Variants in LGR6 observed in about 807,000 individuals in gnomAD.
LGR6 encodes leucine-rich repeat-containing G protein-coupled receptor 6.
LGR6 carries 45 observed loss-of-function variants against 69.4 expected under a neutral mutation model. The observed-to-expected ratio is 0.65, with a 90% CI of 0.51 to 0.83. The LOEUF (loss-of-function observed/expected upper bound fraction) is 0.83, where lower values mean the gene tolerates loss of function less well. Ranked by LOEUF, LGR6 falls within the 40% of genes least tolerant of loss-of-function variation. The pLI is 0.00. For synonymous variants in LGR6, 538 were observed against 555.0 expected, an observed-to-expected ratio of 0.97 and a Z score of 0.43; for missense variants, 1,108 against 1,246.7, an observed-to-expected ratio of 0.89 and a Z score of 1.68.
intron 6 of LGR6, among the ~76,000 whole-genome samples, chr1:202,283,828 C>T (rs1043398261): frequency 6.6e-6 from 1 of 152,240 alleles, no homozygotes; most frequent in Non-Finnish European, 1.5e-5. Flanking sequence ...CACAAATGCA[C>T]CTGCAGCAAC....
chr1:202,288,589 A>G (rs1666569529), intron 6 of LGR6, among the ~76,000 whole-genome samples: 1 of 152,092 alleles, frequency 6.6e-6, no homozygotes, highest in Non-Finnish European at 1.5e-5. Flanking sequence ...CTGCAGTCAC[A>G]TCTATACTCC....
intron 1 of LGR6, among the ~76,000 whole-genome samples, chr1:202,221,664 G>A (rs1433480850): frequency 6.6e-6 from 1 of 152,038 alleles, no homozygotes; most frequent in Non-Finnish European, 1.5e-5. Flanking sequence ...ATAAACACAT[G>A]TGCCCTCACA....
chr1:202,225,688 G>C (rs1050777140), intron 2 of LGR6, among the ~76,000 whole-genome samples, 194 bp downstream of exon 2: 4 of 150,482 alleles, frequency 2.7e-5, no homozygotes, highest in African/African-American at 9.7e-5. Flanking sequence ...CATGGCATGG[G>C]AAGTCTAGGA....
At chr1:202,308,483 A>T (rs1653445700) in intron 14 of LGR6, among the ~76,000 whole-genome samples, 2 of 152,062 alleles carry the variant, frequency 1.3e-5, no homozygotes, top group Admixed American at 1.3e-4. Flanking sequence ...GCTTCCTCTA[A>T]TGCGCCTCCA....
chr1:202,285,049 C>T (rs1316520234), intron 6 of LGR6, among the ~76,000 whole-genome samples: 1 of 152,174 alleles, frequency 6.6e-6, no homozygotes, highest in Non-Finnish European at 1.5e-5. Flanking sequence ...TCAACAGGGG[C>T]CTGGGACAGG....
At chr1:202,232,103 A>C (rs80185547) in intron 3 of LGR6, among the ~76,000 whole-genome samples, 1 of 5,642 alleles carries the variant, frequency 1.8e-4, no homozygotes, top group African/African-American at 2.6e-4. Context: ...CGCCGTCTCA[A>C]AAAAAAAAAA....
intron 14 of LGR6, among the ~76,000 whole-genome samples, chr1:202,308,183 C>T (rs1456902683): frequency 6.6e-6 from 1 of 152,226 alleles, no homozygotes; most frequent in Non-Finnish European, 1.5e-5. Flanking sequence ...TTACTCAAAG[C>T]CAAGGGCCAG....
rs748968099 is a variant in LGR6 at position 202,310,302 on chromosome 1, TGAG to T, written c.1516_1518del (p.Glu506del). The T allele has an allele frequency of 1.9e-6, 3 of 1,613,838 alleles. No individual in the cohort carries two copies. Among genetic ancestry groups the T allele is most frequent in the Non-Finnish European group, 2.5e-6 (3 of 1,179,996 alleles). ...AGGCTGAAGACCTTCACCTTGATGA[TGAG>T]GAGTCTTCAAAAAGGCCCCTGGGCC... On this transcript the variant is annotated inframe_deletion, in exon 16 of 18. Transcript: ENST00000367278.
chr1:202,270,927 T>C (rs1213303232), intron 4 of LGR6, among the ~76,000 whole-genome samples: 1 of 152,096 alleles, frequency 6.6e-6, no homozygotes, highest in Non-Finnish European at 1.5e-5. Flanking sequence ...TGGGGGAGTA[T>C]GAGAAGCAGT....
chr1:202,223,538 C>T (rs1660309557), intron 1 of LGR6, among the ~76,000 whole-genome samples: 2 of 152,010 alleles, frequency 1.3e-5, no homozygotes, highest in Non-Finnish European at 2.9e-5. Flanking sequence ...AGGAGAAAGC[C>T]TCAAGAAGGC....
At chr1:202,301,874 C>A (rs558093406) in intron 9 of LGR6, among the ~76,000 whole-genome samples, 1 of 152,136 alleles carries the variant, frequency 6.6e-6, no homozygotes, top group South Asian at 2.1e-4. Context: ...AAAAAAGTAG[C>A]CGGGCGTGGT....
At chr1:202,250,075 C>T (rs1040914905) in intron 4 of LGR6, among the ~76,000 whole-genome samples, 9 of 152,216 alleles carry the variant, frequency 5.9e-5, no homozygotes, top group African/African-American at 2.2e-4. Flanking sequence ...GACTGAGTAA[C>T]TTGCAGTTCT....
intron 6 of LGR6, among the ~76,000 whole-genome samples, chr1:202,282,048 C>T (rs1571957768): frequency 2.6e-5 from 4 of 152,334 alleles, no homozygotes; most frequent in Admixed American, 2.6e-4. Flanking sequence ...AGTGTGGCTG[C>T]TTTCTTGGGC....
chr1:202,257,336 T>C (rs1663856464), intron 4 of LGR6, among the ~76,000 whole-genome samples: 1 of 152,234 alleles, frequency 6.6e-6, no homozygotes. Context: ...TTTGGTTTGT[T>C]TGTTGTACTT....
At chr1:202,299,709 A>C (rs900958657) in intron 7 of LGR6, among the ~76,000 whole-genome samples, 2 of 152,174 alleles carry the variant, frequency 1.3e-5, no homozygotes, top group African/African-American at 4.8e-5. Flanking sequence ...GAGGTGTCTG[A>C]GCGTGAAGCT....
At chr1:202,219,959 T>G (rs12129456) in intron 1 of LGR6, among the ~76,000 whole-genome samples, 48,158 of 151,960 alleles carry the variant, frequency 0.32, 8,647 homozygotes, top group Non-Finnish European at 0.41. Context: ...CACTGCAACC[T>G]CTTCATCCTC....
intron 4 of LGR6, among the ~76,000 whole-genome samples, chr1:202,273,618 C>T (rs560011950): frequency 9.9e-5 from 15 of 151,980 alleles, no homozygotes; most frequent in East Asian, 7.8e-4. Flanking sequence ...CAACCATGCC[C>T]GGCTAATTTT....
At chr1:202,305,555 C>A in intron 11 of LGR6, 129 bp from the exon 12 acceptor site, 1 of 739,794 alleles carries the variant, frequency 1.4e-6, no homozygotes, top group Non-Finnish European at 2.4e-6. Flanking sequence ...ACAGCCATGT[C>A]CCTGTGGGGT....
chr1:202,235,955 C>T lies in LGR6; in HGVS notation c.390C>T (p.Pro130=), dbSNP rs755617191. 23 of 1,613,878 alleles carry T rather than the reference C, an allele frequency of 1.4e-5. No homozygotes were observed. Among genetic ancestry groups the T allele is most frequent in the Admixed American group, 8.3e-5 (5 of 60,010 alleles). ...MLQNNQLGGI[P]AEALWELPSL... ...AGAACAATCAGCTGGGAGGAATCCC[C>T]GCAGAGGCGCTGTGGGAGCTGCCGA... The change falls in exon 4 of 18, where the codon CCC becomes CCT. Residue 130 remains proline, a synonymous_variant. Coordinates refer to ENST00000367278, the MANE Select transcript of LGR6 (RefSeq NM_001017403.2).
Sources: gnomAD v4.1 joint callset for allele counts (sites outside exome capture counted in the v4.1 genomes callset) on GRCh38, gnomAD v4.1.1 for gene constraint, MANE v1.5 for transcripts, NCBI Gene and HGNC (gene_info 2026-07-23, HGNC 2026-07-21) for gene names.